Variants in CCDC171 observed in about 807,000 individuals in gnomAD.
CCDC171 encodes the protein coiled-coil domain-containing protein 171.
In CCDC171, 177 loss-of-function variants were observed where a neutral mutation model predicts 168.2. The ratio of observed to expected loss-of-function variants is 1.05; its 90% CI spans 0.93 to 1.19. The LOEUF (loss-of-function observed/expected upper bound fraction) is 1.19. CCDC171 is among the 50% of genes most tolerant of loss of function. The probability of loss-of-function intolerance (pLI) is 0.00; values close to 1 mark genes in which losing one functional copy is unlikely to be tolerated. For synonymous variants in CCDC171, 687 were observed against 540.8 expected (o/e 1.27, Z -3.75); for missense variants, 1,991 against 1,539.0 (o/e 1.29, Z -4.91).
At chr9:16,087,467 C>T in the CCDC171 span, among the ~76,000 whole-genome samples, 1 of 151,848 alleles carries the variant, frequency 6.6e-6, no homozygotes, top group Non-Finnish European at 1.5e-5. Context: ...TGCATTGATC[C>T]CTTTGCCATT....
intron 10 of CCDC171, among the ~76,000 whole-genome samples, chr9:15,683,609 G>C (rs138865669): frequency 0.01 from 1,554 of 152,044 alleles, 11 homozygotes; most frequent in Middle Eastern, 0.017. Context: ...TATTCATCGC[G>C]TAAGTGTCTT....
At chr9:15,759,214 A>T (rs2056311167) in intron 18 of CCDC171, among the ~76,000 whole-genome samples, 1 of 152,202 alleles carries the variant, frequency 6.6e-6, no homozygotes, top group South Asian at 2.1e-4. Flanking sequence ...TCTTCATTTA[A>T]AATGTGATAT....
chr9:15,611,153 T>C (rs1587400104), intron 6 of CCDC171, among the ~76,000 whole-genome samples: 1 of 152,188 alleles, frequency 6.6e-6, no homozygotes. Flanking sequence ...CCATGTGACG[T>C]GCCTGCTCCC....
chr9:15,568,030 G>A (rs1385765602), intron 2 of CCDC171, among the ~76,000 whole-genome samples: 2 of 143,456 alleles, frequency 1.4e-5, no homozygotes, highest in African/African-American at 5.3e-5. Context: ...TTTGTTTTTG[G>A]ATTGTTCATT....
chr9:15,741,211 C>T (rs578146624), intron 16 of CCDC171, among the ~76,000 whole-genome samples: 24 of 152,276 alleles, frequency 1.6e-4, no homozygotes, highest in Non-Finnish European at 3.1e-4. Flanking sequence ...CAGTATTGCA[C>T]AACCATCACC....
chr9:16,027,619 G>A (rs1261247539), intron 6 of CCDC171, among the ~76,000 whole-genome samples: 1 of 152,204 alleles, frequency 6.6e-6, no homozygotes, highest in East Asian at 1.9e-4. Flanking sequence ...GAGTATTGCA[G>A]TCCAGGCTGA....
intron 24 of CCDC171, among the ~76,000 whole-genome samples, chr9:15,913,819 A>C (rs537891923): frequency 4.6e-5 from 7 of 151,902 alleles, no homozygotes; most frequent in African/African-American, 1.7e-4. Flanking sequence ...CTTCGGATGG[A>C]GTTTTTGCAT....
At chr9:15,559,114 C>G (rs1452097408) in intron 1 of CCDC171, among the ~76,000 whole-genome samples, 1 of 152,068 alleles carries the variant, frequency 6.6e-6, no homozygotes, top group Non-Finnish European at 1.5e-5. Context: ...GTTATAATTT[C>G]TGTTCTTTTA....
intron 3 of CCDC171, among the ~76,000 whole-genome samples, chr9:15,981,490 C>T (rs1831794159): frequency 6.6e-6 from 1 of 152,162 alleles, no homozygotes; most frequent in South Asian, 2.1e-4. Flanking sequence ...GCTGACTGAG[C>T]ATCTCAACTT....
At chr9:15,664,396 G>A (rs950699680) in intron 8 of CCDC171, among the ~76,000 whole-genome samples, 3 of 152,118 alleles carry the variant, frequency 2.0e-5, no homozygotes, top group East Asian at 1.9e-4. Context: ...TTACAAACGC[G>A]TGACACCACG....
At chr9:15,596,405 C>T (rs2042361651) in intron 6 of CCDC171, among the ~76,000 whole-genome samples, 2 of 152,144 alleles carry the variant, frequency 1.3e-5, no homozygotes, top group African/African-American at 4.8e-5. Context: ...ATAGGGAATC[C>T]TTTCCCCATT....
intron 25 of CCDC171, among the ~76,000 whole-genome samples, chr9:15,967,932 T>C (rs1830964889): frequency 1.3e-5 from 2 of 152,194 alleles, no homozygotes; most frequent in Admixed American, 1.3e-4. Flanking sequence ...ATTTATTGGG[T>C]GGTTATTTTA....
At chr9:15,902,747 G>A (rs952451857) in intron 24 of CCDC171, among the ~76,000 whole-genome samples, 6 of 152,204 alleles carry the variant, frequency 3.9e-5, no homozygotes, top group African/African-American at 1.4e-4. Flanking sequence ...CACCTCACCT[G>A]GGAAGCACAA....
chr9:15,663,020 A>G (rs1445449888), intron 8 of CCDC171, among the ~76,000 whole-genome samples: 2 of 145,400 alleles, frequency 1.4e-5, no homozygotes, highest in Admixed American at 6.8e-5. Context: ...CAACAACAAC[A>G]ACAAATTGCC....
intron 18 of CCDC171, among the ~76,000 whole-genome samples, chr9:15,766,012 C>G: frequency 6.6e-6 from 1 of 152,130 alleles, no homozygotes. Context: ...CGTTTGTTTA[C>G]TTTCCAGTAT....
chr9:16,017,951 T>C (rs1428158053), intron 3 of CCDC171, among the ~76,000 whole-genome samples: 2 of 150,884 alleles, frequency 1.3e-5, no homozygotes, highest in Non-Finnish European at 2.9e-5. Flanking sequence ...CAAACAATAC[T>C]GCAGCAATTG....
chr9:15,812,703 T>C (rs1277658140), intron 21 of CCDC171, among the ~76,000 whole-genome samples: 1 of 152,154 alleles, frequency 6.6e-6, no homozygotes, highest in Admixed American at 6.5e-5. Flanking sequence ...AATTAAGGAA[T>C]TTATCCTACT....
At chr9:15,850,298 C>G (rs1023571589) in intron 23 of CCDC171, 45 of 152,054 alleles carry the variant, frequency 3.0e-4, no homozygotes, top group African/African-American at 1.0e-3. Context: ...GAAAAACCAT[C>G]ACCAATATGA....
chr9:15,600,452 A>T (rs934654557), intron 6 of CCDC171, among the ~76,000 whole-genome samples: 1 of 152,176 alleles, frequency 6.6e-6, no homozygotes, highest in African/African-American at 2.4e-5. Flanking sequence ...AGAACAGCAG[A>T]TATTGGTGAA....
Sources: gnomAD v4.1 joint callset for allele counts (sites outside exome capture counted in the v4.1 genomes callset) on GRCh38, gnomAD v4.1.1 for gene constraint, MANE v1.5 for transcripts, NCBI Gene and HGNC (gene_info 2026-07-23, HGNC 2026-07-21) for gene names.